COQ8A: variants seen among roughly 807,000 people sequenced by gnomAD.
COQ8A encodes the protein coenzyme Q8A.
Under a neutral mutation model 65.0 loss-of-function variants are expected in COQ8A, and 51 were observed. That is an observed-to-expected ratio of 0.78 (90% CI 0.63 to 0.99). The LOEUF (loss-of-function observed/expected upper bound fraction) is 0.99, where lower values mean the gene tolerates loss of function less well. Among genes scored for constraint, COQ8A ranks in the 50% least tolerant of loss-of-function variants. COQ8A has a pLI of 0.00. For missense variants in COQ8A, 940 were observed against 875.0 expected (o/e 1.07, Z -0.94); for synonymous variants, 371 against 353.2 (o/e 1.05, Z -0.57).
Position 226,984,134 on chromosome 1 carries a change from A to G in COQ8A, c.1297A>G (p.Ile433Val). Residue 433 changes from isoleucine to valine, a missense_variant, in exon 11 of 15, where the codon ATT becomes GTT. Ile to Val is a conservative substitution (Grantham distance 29). Coordinates refer to ENST00000366777, the MANE Select transcript of COQ8A (RefSeq NM_020247.5). ...CCACCCCTTCTTCTATGTGCCTGAG[A>G]TTGTGGATGAGCTCTGCAGCCCACA... is the stretch of plus-strand genomic sequence containing the variant. ...KGHPFFYVPEIVDELCSPHVL... is the reference protein window; with the variant it reads ...KGHPFFYVPEVVDELCSPHVL... 4 of 1,613,700 alleles carry G rather than the reference A, an allele frequency of 2.5e-6. No homozygotes were observed. Among genetic ancestry groups the G allele is most frequent in the Non-Finnish European group, 3.4e-6 (4 of 1,179,968 alleles).
In COQ8A at chr1:226,965,187, G is replaced by A; in HGVS notation, c.365G>A (p.Ser122Asn). ...SEGPAPAYVA[S>N]GPFREAGFPG... Reference sequence around the variant, plus strand: ...GGCCCAGCTCCTGCCTACGTGGCCAGTGGACCCTTTAGAGAAGCCGGGTTC... The same window carrying A: ...GGCCCAGCTCCTGCCTACGTGGCCAATGGACCCTTTAGAGAAGCCGGGTTC... The change falls in exon 3 of 15, where the codon AGT (serine) becomes AAT (asparagine). Residue 122 changes from serine (S) to asparagine (N), a missense_variant. By Grantham distance (46) the Ser-to-Asn change is conservative. Coordinates refer to ENST00000366777, the MANE Select transcript of COQ8A (RefSeq NM_020247.5). The A allele has an allele frequency of 6.2e-6, 10 of 1,613,756 alleles. No individual in the cohort carries two copies. The highest frequency in any genetic ancestry group is 8.5e-6 in the Non-Finnish European group (10 of 1,180,012).
rs1193873718 is a variant in COQ8A, at chr1:226,972,654, C to T, written c.656-4795C>T. Among the ~76,000 whole-genome samples, 1 of 152,132 alleles carries T rather than the reference C, an allele frequency of 6.6e-6. No individual in the cohort carries two copies. The highest frequency in any genetic ancestry group is 1.5e-5 in the Non-Finnish European group (1 of 68,016). ...TACACTTCGGATACTGTTAATACAC[C>T]AGCAGCAAAGCTCTCTCTGGGACCA... On this transcript the variant is annotated intron_variant, in intron 4 of 14. Transcript: ENST00000366777. The surrounding 1 kb of genome is among the most constrained non-coding windows in gnomAD (Gnocchi z 4.3).
chr1:226,984,988 G>A (rs781072952), intron 13 of COQ8A, 47 bp downstream of exon 13: 1 of 1,604,750 alleles, frequency 6.2e-7, no homozygotes, highest in Non-Finnish European at 8.5e-7. Context: ...TTCTGAGGCT[G>A]GGACAGGATG....
Position 226,971,332 on chromosome 1 carries a change from CA to C in COQ8A, c.655+5596del, listed in dbSNP as rs1176844899. 2.0e-5 allele frequency among the ~76,000 whole-genome samples: 3 copies of C among 151,992 alleles called. No homozygotes were observed. The East Asian group carries it at 5.9e-4, about 30-fold the overall frequency. On this transcript the variant is annotated intron_variant, in intron 4 of 14. Transcript: ENST00000366777. ...CTTTGGGAGGTCAGGGTGGGTGGAT[CA>C]TGAGGTCAAGAGATCGAGACGATCC...
intron 1 of COQ8A, among the ~76,000 whole-genome samples, chr1:226,956,264 G>A (rs1657748141): frequency 1.4e-5 from 1 of 71,990 alleles, no homozygotes; most frequent in Admixed American, 1.3e-4. Flanking sequence ...ACTCTCCCTG[G>A]TTCACACTCT....
intron 1 of COQ8A, among the ~76,000 whole-genome samples, chr1:226,956,224 A>G (rs1558183964): frequency 2.9e-5 from 2 of 69,500 alleles, no homozygotes; most frequent in Non-Finnish European, 5.4e-5. Context: ...CCTGGCTGCC[A>G]CTCCCTGGTT....
At position 226,983,754 on chromosome 1, in the gene COQ8A, G is replaced by A; in HGVS notation, c.1163-7G>A. On this transcript the variant is annotated splice_region_variant and splice_polypyrimidine_tract_variant and intron_variant, in intron 9 of 14. Transcript: ENST00000366777. ...CTTCCTCGCTGATGCCCTCCTCCCT[G>A]GCCCAGGCCTGTTCCCCGAGCACCT... 2.5e-6 allele frequency: 4 copies of A among 1,613,146 alleles called. No individual in the cohort carries two copies. The highest frequency in any genetic ancestry group is 3.4e-6 in the Non-Finnish European group (4 of 1,179,968).
chr1:226,964,698 A>G (rs1054908981), intron 2 of COQ8A, among the ~76,000 whole-genome samples: 5 of 152,152 alleles, frequency 3.3e-5, no homozygotes, highest in Admixed American at 1.3e-4. Context: ...GCCCTGTTTT[A>G]TAGGTGAGGA....
chr1:226,964,370 G>A (rs1355276290), intron 2 of COQ8A, among the ~76,000 whole-genome samples: 1 of 152,148 alleles, frequency 6.6e-6, no homozygotes, highest in Non-Finnish European at 1.5e-5. Flanking sequence ...ACCTGGGCCC[G>A]AAGCTCAGGC....
intron 4 of COQ8A, among the ~76,000 whole-genome samples, chr1:226,976,457 C>T (rs181739563): frequency 3.9e-4 from 59 of 151,408 alleles, no homozygotes; most frequent in African/African-American, 1.4e-3. Context: ...CGATGTTGCC[C>T]GGGTGCGGGG....
chr1:226,943,411 C>T (rs947472137), intron 1 of COQ8A, among the ~76,000 whole-genome samples: 3 of 152,060 alleles, frequency 2.0e-5, no homozygotes, highest in Non-Finnish European at 4.4e-5. Context: ...TGAGTGAGTT[C>T]GAGGGTCCTG....
intron 1 of COQ8A, among the ~76,000 whole-genome samples, chr1:226,955,780 A>C (rs1345543506): frequency 1.4e-5 from 1 of 72,954 alleles, no homozygotes; most frequent in Non-Finnish European, 2.6e-5. Context: ...TCCCTGGTTC[A>C]CACTCTCCCT....
intron 1 of COQ8A, among the ~76,000 whole-genome samples, chr1:226,959,814 G>A (rs1024424153): frequency 6.6e-6 from 1 of 152,244 alleles, no homozygotes; most frequent in African/African-American, 2.4e-5. Flanking sequence ...TGGGTATGTA[G>A]GATGCAACTG....
At chr1:226,979,764 G>C (rs1021446298) in intron 5 of COQ8A, among the ~76,000 whole-genome samples, 1 of 152,212 alleles carries the variant, frequency 6.6e-6, no homozygotes, top group South Asian at 2.1e-4. Context: ...CTGGGGACAC[G>C]GGCGGCATGC....
chr1:226,956,450 T>C (rs1335025479), intron 1 of COQ8A, among the ~76,000 whole-genome samples: 1 of 125,470 alleles, frequency 8.0e-6, no homozygotes, highest in Non-Finnish European at 1.6e-5. Context: ...GCTGCCACTC[T>C]CCCTGGCTGC....
At chr1:226,977,192 A>C (rs1659290142) in intron 4 of COQ8A, among the ~76,000 whole-genome samples, 1 of 152,110 alleles carries the variant, frequency 6.6e-6, no homozygotes, top group South Asian at 2.1e-4. Flanking sequence ...TGAGCCTGTG[A>C]ATTATCAAAG....
Position 226,982,905 on chromosome 1 carries a change from C to T in COQ8A, c.951C>T (p.Asn317=). 6.2e-7 allele frequency: 1 copy of T among 1,612,782 alleles called. No homozygotes were observed. The highest frequency in any genetic ancestry group is 8.5e-7 in the Non-Finnish European group (1 of 1,179,874). The part of the protein sequence containing the change: ...MPLKQMMKTL[N]NDLGPNWRDK... ...GCCCTGCCCTTCAGAAAACTCTCAA[C>T]AACGACCTGGGCCCCAACTGGCGGG... is the stretch of plus-strand genomic sequence containing the variant. The change falls in exon 8 of 15, where the codon AAC becomes AAT. Residue 317 remains asparagine (N), a synonymous_variant. Coordinates refer to ENST00000366777, the MANE Select transcript of COQ8A (RefSeq NM_020247.5).
chr1:226,969,976 C>CT (rs796926377), intron 4 of COQ8A, among the ~76,000 whole-genome samples: 16 of 151,124 alleles, frequency 1.1e-4, no homozygotes, highest in African/African-American at 3.4e-4. Flanking sequence ...ATGCGTCTCT[C>CT]TTTTTTTTTG....
chr1:226,945,760 C>G (rs1406407158), intron 1 of COQ8A, among the ~76,000 whole-genome samples: 1 of 152,248 alleles, frequency 6.6e-6, no homozygotes, highest in East Asian at 1.9e-4. Flanking sequence ...GCTTCAGCCC[C>G]TCCTCTTTTC....
Sources: allele counts gnomAD v4.1 joint callset (sites outside exome capture counted in the v4.1 genomes callset), GRCh38; gene constraint gnomAD v4.1.1; non-coding constraint Gnocchi (gnomAD v3.1); transcripts MANE v1.5; gene names NCBI Gene and HGNC (gene_info 2026-07-23, HGNC 2026-07-21).